PPP2R1B: variants seen among roughly 807,000 people sequenced by gnomAD.
The protein encoded by PPP2R1B is protein phosphatase 2 scaffold subunit Abeta.
A neutral mutation model predicts 72.7 loss-of-function variants in PPP2R1B; 58 were observed. The observed-to-expected ratio is 0.80, with a 90% confidence interval of 0.65 to 0.99. The LOEUF (loss-of-function observed/expected upper bound fraction) is 0.99, where lower values mean the gene tolerates loss of function less well. Ranked by LOEUF, PPP2R1B falls within the 50% of genes least tolerant of loss-of-function variation. The pLI is 0.00. For synonymous variants in PPP2R1B, 256 were observed against 264.6 expected (o/e 0.97, Z 0.32); for missense variants, 695 against 733.6 (o/e 0.95, Z 0.61).
chr11:111,726,879 T>C, downstream of PPP2R1B: 1 of 1,244,834 alleles, frequency 8.0e-7, no homozygotes, highest in Non-Finnish European at 1.2e-6. Flanking sequence ...TTTGGTGAGA[T>C]GAACGTGAGG....
Position 111,740,750 on chromosome 11 carries a change from G to A in PPP2R1B, c.*846C>T, listed in dbSNP as rs2136039512. ...GGAAGCAGAGCCAGGTAAAGAACAG[G>A]AAATCTGCACAGTATTATCCCTGTG... On this transcript the variant is annotated 3_prime_UTR_variant, in exon 15 of 15. Coordinates refer to ENST00000527614, the MANE Select transcript of PPP2R1B (RefSeq NM_002716.5). 2 of 985,416 alleles carry A rather than the reference G, an allele frequency of 2.0e-6. No individual in the cohort carries two copies. The highest frequency in any genetic ancestry group is 2.4e-6 in the Non-Finnish European group (2 of 829,926). 61.0% of individuals were successfully genotyped at this position (985,416 alleles called of 1,614,324 possible). A position where few individuals can be genotyped will look rare whatever the true frequency, so the allele number is the denominator to read the frequency against.
intron 11 of PPP2R1B, among the ~76,000 whole-genome samples, chr11:111,746,585 T>C (rs1591685533): frequency 6.6e-6 from 1 of 152,294 alleles, no homozygotes; most frequent in East Asian, 1.9e-4. Context: ...GGCACATGTA[T>C]ATCTATGTAA....
rs1230153428 is a variant in PPP2R1B at position 111,738,096 on chromosome 11, G to A, written c.*3500C>T. 1 of 990,270 alleles carries A rather than the reference G, an allele frequency of 1.0e-6. No homozygotes were observed. Among genetic ancestry groups the A allele is most frequent in the Non-Finnish European group, 1.2e-6 (1 of 832,392 alleles). 61.3% of individuals were successfully genotyped at this position (990,270 alleles called of 1,614,324 possible). ...TGGAGGGAGACATGCGAGGGAAGAG[G>A]AAAGAGGAGAGTAAGGAACTGGATG... On this transcript the variant is annotated 3_prime_UTR_variant, in exon 15 of 15. Coordinates refer to ENST00000527614, the MANE Select transcript of PPP2R1B (RefSeq NM_002716.5).
chr11:111,759,555 T>TA (rs1169302360), intron 5 of PPP2R1B, among the ~76,000 whole-genome samples: 2 of 152,206 alleles, frequency 1.3e-5, no homozygotes, highest in African/African-American at 4.8e-5. Flanking sequence ...CCTTTCTAAT[T>TA]ATGGCTCCCA....
intron 3 of PPP2R1B, among the ~76,000 whole-genome samples, chr11:111,761,595 C>G (rs1470456049): frequency 1.3e-5 from 2 of 152,194 alleles, no homozygotes; most frequent in African/African-American, 4.8e-5. Context: ...TTGCTTTTTT[C>G]AGAACACATT....
the PPP2R1B span, among the ~76,000 whole-genome samples, chr11:111,692,140 C>T: frequency 4.6e-5 from 7 of 151,656 alleles, no homozygotes; most frequent in African/African-American, 1.7e-4. Flanking sequence ...TGCCTGAGCT[C>T]AGGAGTTCGA....
chr11:111,755,520 A>T, intron 5 of PPP2R1B, 70 bp from the exon 6 acceptor site: 1 of 1,432,986 alleles, frequency 7.0e-7, no homozygotes, highest in East Asian at 2.5e-5. Flanking sequence ...GGGGTGGTGC[A>T]GGTGTTTAAA....
chr11:111,704,938 GCAT>G, the PPP2R1B span: 1 of 1,530,734 alleles, frequency 6.5e-7, no homozygotes, highest in Non-Finnish European at 8.7e-7. Context: ...GTAGATCATT[GCAT>G]TGGTCTTTAC....
chr11:111,737,744 G>T (rs568332813), downstream of PPP2R1B: 19 of 1,332,032 alleles, frequency 1.4e-5, no homozygotes, highest in African/African-American at 2.5e-4. Context: ...GCCCAGGGTC[G>T]TGCTGAGGTG....
chr11:111,742,597 T>C lies in PPP2R1B; in HGVS notation c.1623A>G (p.Ala541=). The change falls in exon 13 of 15, where the codon GCA becomes GCG. Residue 541 remains alanine, a synonymous_variant. Coordinates refer to ENST00000527614, the MANE Select transcript of PPP2R1B (RefSeq NM_002716.5). ...KQMLPIVLKM[A]GDQVANVRFN... is the part of the protein sequence containing the mutation. ...AGCGAACATTTGCTACTTGGTCTCC[T>C]GCCATTTTTAATACGATGGGCAGCA... The C allele has an allele frequency of 6.2e-7, 1 of 1,613,924 alleles. No homozygotes were observed. The highest frequency in any genetic ancestry group is 1.7e-5 in the Admixed American group (1 of 60,024).
chr11:111,760,082 A>T, intron 4 of PPP2R1B, 131 bp from the exon 5 acceptor site: 1 of 1,002,756 alleles, frequency 1.0e-6, no homozygotes, highest in Non-Finnish European at 1.4e-6. Flanking sequence ...TTATAGAAGT[A>T]ACAAAAATAA....
the PPP2R1B span, chr11:111,712,262 C>G: frequency 6.2e-7 from 1 of 1,614,110 alleles, no homozygotes; most frequent in African/African-American, 1.3e-5. Flanking sequence ...CATGAGGCTG[C>G]TGCGATCTGC....
chr11:111,727,373 T>C (rs1024942683), intron 15 of PPP2R1B: 4 of 404,976 alleles, frequency 9.9e-6, no homozygotes, highest in African/African-American at 5.9e-5. Flanking sequence ...TCCTCAGATA[T>C]CAAGAACTCC....
exon 16 of PPP2R1B, chr11:111,726,919 A>G: frequency 3.8e-6 from 6 of 1,587,562 alleles, no homozygotes; most frequent in Non-Finnish European, 5.2e-6. Context: ...AAAGTGCAAT[A>G]TGTGTGGTAC....
chr11:111,689,899 A>ATTTT, the PPP2R1B span, among the ~76,000 whole-genome samples: 3 of 148,284 alleles, frequency 2.0e-5, no homozygotes, highest in Non-Finnish European at 4.5e-5. Context: ...ATAGTCTGTG[A>ATTTT]TTTTTTTTTT....
rs2136040847 is a variant in PPP2R1B, at chr11:111,741,203, GAT to G, written c.*391_*392del. On this transcript the variant is annotated 3_prime_UTR_variant, in exon 15 of 15. Coordinates refer to ENST00000527614, the MANE Select transcript of PPP2R1B (RefSeq NM_002716.5). ...CTTTGGAATGATGGAGAGACACAGAGATATATGTAAACGTCAAGAGAATCACT... is the reference window on the plus strand; with the variant it reads ...CTTTGGAATGATGGAGAGACACAGAGATATGTAAACGTCAAGAGAATCACT... The G allele has an allele frequency of 9.9e-7, 1 of 1,014,820 alleles. No individual in the cohort carries two copies. The highest frequency in any genetic ancestry group is 4.3e-5 in the South Asian group (1 of 23,202). 62.9% of individuals were successfully genotyped at this position (1,014,820 alleles called of 1,614,324 possible). A position where few individuals can be genotyped will look rare whatever the true frequency, so the allele number is the denominator to read the frequency against.
the PPP2R1B span, chr11:111,703,118 C>G: frequency 8.2e-7 from 1 of 1,215,042 alleles, no homozygotes. Flanking sequence ...GATTAACACC[C>G]TTGTACAAAG....
chr11:111,688,474 G>A, the PPP2R1B span, among the ~76,000 whole-genome samples: 1 of 152,158 alleles, frequency 6.6e-6, no homozygotes, highest in African/African-American at 2.4e-5. This position sits in a 1 kb window ranked among gnomAD's most constrained non-coding sequence, Gnocchi z 4.2. Context: ...AAAAGACAGG[G>A]CTGGAGGAGT....
downstream of PPP2R1B, among the ~76,000 whole-genome samples, chr11:111,735,785 G>A (rs796765279): frequency 2.6e-5 from 4 of 152,272 alleles, no homozygotes; most frequent in African/African-American, 7.2e-5. Context: ...CACCCCATTC[G>A]GACAGATTGG....
Sources: gnomAD v4.1 joint callset for allele counts (sites outside exome capture counted in the v4.1 genomes callset) on GRCh38, gnomAD v4.1.1 for gene constraint, Gnocchi (gnomAD v3.1) non-coding constraint, MANE v1.5 for transcripts, NCBI Gene and HGNC (gene_info 2026-07-23, HGNC 2026-07-21) for gene names.